REDIC1: variants seen among roughly 807,000 people sequenced by gnomAD.
REDIC1 encodes the protein regulator of DNA class I crossover intermediates 1, also known as HEI10 Interacting Protein 1.
chr12:39,867,485 A>G, the REDIC1 span, among the ~76,000 whole-genome samples: 1 of 152,136 alleles, frequency 6.6e-6, no homozygotes, highest in African/African-American at 2.4e-5. Flanking sequence ...CAAAAAAAAA[A>G]CTGTTAAGTC....
the REDIC1 span, among the ~76,000 whole-genome samples, chr12:39,879,652 C>A: frequency 6.6e-6 from 1 of 152,132 alleles, no homozygotes; most frequent in African/African-American, 2.4e-5. Flanking sequence ...TTACCCAATG[C>A]CTATACCCCC....
the REDIC1 span, among the ~76,000 whole-genome samples, chr12:39,747,845 A>G: frequency 6.6e-6 from 1 of 152,230 alleles, no homozygotes; most frequent in Non-Finnish European, 1.5e-5. Flanking sequence ...TAAGTGAAGG[A>G]GAAATCAAAT....
the REDIC1 span, among the ~76,000 whole-genome samples, chr12:39,714,548 ATAT>A: frequency 6.6e-6 from 1 of 151,480 alleles, no homozygotes; most frequent in Non-Finnish European, 1.5e-5. Flanking sequence ...AATTTTTTGA[ATAT>A]TGATTTCTTT....
At chr12:39,773,153 AGTC>A in the REDIC1 span, among the ~76,000 whole-genome samples, 19 of 152,312 alleles carry the variant, frequency 1.2e-4, no homozygotes, top group African/African-American at 4.6e-4. Flanking sequence ...GATTAGAAAA[AGTC>A]ATGCTCTTGG....
chr12:39,712,071 TACC>T, the REDIC1 span, among the ~76,000 whole-genome samples: 96 of 137,104 alleles, frequency 7.0e-4, no homozygotes, highest in African/African-American at 2.4e-3. Context: ...CATGTATATA[TACC>T]GGTATGTATA....
At chr12:39,720,924 T>C in the REDIC1 span, 8 of 1,613,692 alleles carry the variant, frequency 5.0e-6, no homozygotes, top group East Asian at 2.2e-5. Context: ...TTAAAAACGA[T>C]GACAAAATTC....
the REDIC1 span, among the ~76,000 whole-genome samples, chr12:39,822,220 T>C: frequency 3.9e-5 from 6 of 152,190 alleles, no homozygotes; most frequent in South Asian, 1.2e-3. Flanking sequence ...ATTTCCAAGA[T>C]AACGTTTCCT....
chr12:39,889,765 C>T, the REDIC1 span, among the ~76,000 whole-genome samples: 2 of 151,964 alleles, frequency 1.3e-5, no homozygotes, highest in African/African-American at 4.8e-5. Flanking sequence ...TTCTTGACCT[C>T]GTGATCTGCC....
At chr12:39,650,115 G>T in the REDIC1 span, 3 of 1,039,556 alleles carry the variant, frequency 2.9e-6, no homozygotes, top group Non-Finnish European at 3.8e-6. The surrounding 1 kb of genome is among the most constrained non-coding windows in gnomAD (Gnocchi z 4.3). Flanking sequence ...ACTTTATTTT[G>T]GACTATTTTT....
the REDIC1 span, among the ~76,000 whole-genome samples, chr12:39,737,892 C>T: frequency 6.6e-6 from 1 of 152,156 alleles, no homozygotes; most frequent in African/African-American, 2.4e-5. Flanking sequence ...TACATTCCAT[C>T]CTGTGGTTCA....
chr12:39,784,151 A>G, the REDIC1 span, among the ~76,000 whole-genome samples: 1 of 152,194 alleles, frequency 6.6e-6, no homozygotes, highest in Non-Finnish European at 1.5e-5. Flanking sequence ...TATACTGCCC[A>G]AGGTAATTTA....
the REDIC1 span, among the ~76,000 whole-genome samples, chr12:39,751,033 A>G: frequency 1.2e-4 from 18 of 152,198 alleles, no homozygotes; most frequent in Non-Finnish European, 1.5e-5. Flanking sequence ...CACCAAAAGC[A>G]ATGGCAACAA....
At chr12:39,896,560 A>G in the REDIC1 span, among the ~76,000 whole-genome samples, 1 of 123,126 alleles carries the variant, frequency 8.1e-6, no homozygotes, top group Non-Finnish European at 1.8e-5. Flanking sequence ...ATACATGTAT[A>G]CATATATGTA....
At chr12:39,797,537 C>T in the REDIC1 span, among the ~76,000 whole-genome samples, 1 of 152,104 alleles carries the variant, frequency 6.6e-6, no homozygotes, top group African/African-American at 2.4e-5. Context: ...TGTAAAGTAG[C>T]TAAATATTTT....
chr12:39,799,531 A>G, the REDIC1 span, among the ~76,000 whole-genome samples: 1 of 152,156 alleles, frequency 6.6e-6, no homozygotes, highest in African/African-American at 2.4e-5. Context: ...GAACTGGCAG[A>G]GTAGAGTAAA....
chr12:39,700,101 C>A, the REDIC1 span, among the ~76,000 whole-genome samples: 3 of 152,132 alleles, frequency 2.0e-5, no homozygotes, highest in Non-Finnish European at 2.9e-5. Context: ...ATGACTTTGA[C>A]GAGCTGAGAG....
At chr12:39,793,852 G>C in the REDIC1 span, among the ~76,000 whole-genome samples, 1 of 151,930 alleles carries the variant, frequency 6.6e-6, no homozygotes, top group African/African-American at 2.4e-5. Context: ...ACATTATCTT[G>C]AACAGAAGCA....
At chr12:39,853,290 G>C in the REDIC1 span, among the ~76,000 whole-genome samples, 4 of 152,108 alleles carry the variant, frequency 2.6e-5, no homozygotes, top group African/African-American at 9.7e-5. Flanking sequence ...ACTAGCAGAA[G>C]GCTGAACCAC....
At chr12:39,713,784 TATAC>T in the REDIC1 span, among the ~76,000 whole-genome samples, 1 of 148,966 alleles carries the variant, frequency 6.7e-6, no homozygotes, top group African/African-American at 2.5e-5. Context: ...TGTACGTAAA[TATAC>T]ATAGATGTAT....
Sources: allele counts gnomAD v4.1 joint callset (sites outside exome capture counted in the v4.1 genomes callset), GRCh38; gene constraint gnomAD v4.1.1; non-coding constraint Gnocchi (gnomAD v3.1); transcripts MANE v1.5; gene names NCBI Gene and HGNC (gene_info 2026-07-23, HGNC 2026-07-21).